PALD1: variants seen among roughly 807,000 people sequenced by gnomAD.
PALD1 encodes phosphatase domain containing paladin 1, also known as paladin.
Under a neutral mutation model 96.0 loss-of-function variants are expected in PALD1, and 57 were observed. That is an observed-to-expected ratio of 0.59 (90% CI 0.48 to 0.74). The LOEUF is 0.74. Among genes scored for constraint, PALD1 ranks in the 30% least tolerant of loss-of-function variants. The pLI is 0.00. For synonymous variants in PALD1, 464 were observed against 473.6 expected, an observed-to-expected ratio of 0.98 and a Z score of 0.26; for missense variants, 1,063 against 1,143.7, an observed-to-expected ratio of 0.93 and a Z score of 1.02.
At chr10:70,478,045 TG>T (rs200912603), upstream of PALD1, among the ~76,000 whole-genome samples, 5 of 89,206 alleles carry the variant, frequency 5.6e-5, no homozygotes, top group African/African-American at 1.2e-4. Context: ...TGAGGAGTGG[TG>T]GGGGGGGCAG....
chr10:70,461,816 A>G, the PALD1 span, among the ~76,000 whole-genome samples: 2 of 152,208 alleles, frequency 1.3e-5, no homozygotes, highest in East Asian at 3.9e-4. Flanking sequence ...TTTTTGAGGC[A>G]GGGTCTCGCT....
Position 70,550,929 on chromosome 10 carries a change from A to G in PALD1, c.2262+3483A>G, listed in dbSNP as rs1198717215. Among the ~76,000 whole-genome samples, 3 of 152,186 alleles carry G rather than the reference A, an allele frequency of 2.0e-5. No individual in the cohort carries two copies. In the South Asian group the frequency reaches 6.2e-4, roughly 32 times the overall value. On this transcript the variant is annotated intron_variant, in intron 18 of 19. Transcript: ENST00000263563. ...CTATTATGAATAATGTTGCTGTGAA[A>G]ATTCATGTACAAGTTTTTGTGTGAA...
the PALD1 span, among the ~76,000 whole-genome samples, chr10:70,467,799 G>A: frequency 6.6e-6 from 1 of 152,120 alleles, no homozygotes; most frequent in African/African-American, 2.4e-5. Flanking sequence ...GATAGGACAG[G>A]AGTGCATGGA....
intron 8 of PALD1, 21 bp from the exon 9 acceptor site, chr10:70,534,404 G>A (rs781416289): frequency 5.1e-6 from 8 of 1,561,624 alleles, no homozygotes; most frequent in Non-Finnish European, 7.0e-6. Context: ...GCCTGCTAAT[G>A]TACTGACCCT....
At chr10:70,552,987 C>G (rs1378117026) in intron 18 of PALD1, among the ~76,000 whole-genome samples, 1 of 152,156 alleles carries the variant, frequency 6.6e-6, no homozygotes, top group Non-Finnish European at 1.5e-5. Flanking sequence ...TTAAGTTGGC[C>G]TGTGCTTCCT....
intron 4 of PALD1, 22 bp from the exon 5 acceptor site, chr10:70,531,268 T>A: frequency 1.2e-6 from 2 of 1,603,688 alleles, no homozygotes; most frequent in Admixed American, 1.7e-5. Flanking sequence ...GATGGCTTCC[T>A]TCCCCCTCGG....
chr10:70,501,834 T>TGTGTGTGTGTGTGTGTGTGC (rs774868338), intron 1 of PALD1, among the ~76,000 whole-genome samples: 94 of 149,492 alleles, frequency 6.3e-4, no homozygotes, highest in South Asian at 1.1e-3. Context: ...TGTGTGTGTG[T>TGTGTGTGTGTGTGTGTGTGC]GCGTGCGTGC....
Position 70,534,204 on chromosome 10 carries a change from T to C in PALD1, c.1022+131T>C, listed in dbSNP as rs192514992. The C allele has an allele frequency of 5.2e-5, 59 of 1,140,220 alleles. 1 individual carries two copies. In the Admixed American group the frequency reaches 1.3e-3, roughly 26 times the overall value. 70.6% of individuals were successfully genotyped at this position (1,140,220 alleles called of 1,614,324 possible). A position where few individuals can be genotyped will look rare whatever the true frequency, so the allele number is the denominator to read the frequency against. On this transcript the variant is annotated intron_variant, in intron 8 of 19. Transcript: ENST00000263563. ...AATTTGGCATCTGGGGTTCATTTCC[T>C]GGTTTGCCACGAGACTTGCTGGGAG... is the stretch of plus-strand genomic sequence containing the variant.
In PALD1 at chr10:70,526,051, A is replaced by C. The variant is rs146129176; in HGVS notation, c.100A>C (p.Ser34Arg). ...SGTMDSRHSV[S>R]IHSFQSTSLH... ...CACGATGGACAGTCGGCACTCCGTC[A>C]GCATCCACTCCTTCCAGAGCACTAG... is the stretch of plus-strand genomic sequence containing the variant. Residue 34 changes from serine to arginine, a missense_variant, in exon 2 of 20, where the codon AGC becomes CGC. By Grantham distance (110) the Ser-to-Arg change is moderately radical (BLOSUM62 -1). Transcript: ENST00000263563. 7.1e-5 allele frequency: 114 copies of C among 1,614,094 alleles called. No homozygotes were observed. Among genetic ancestry groups the C allele is most frequent in the Non-Finnish European group, 9.4e-5 (111 of 1,180,038 alleles).
At chr10:70,459,862 C>G in the PALD1 span, among the ~76,000 whole-genome samples, 25,148 of 152,158 alleles carry the variant, frequency 0.17, 2,657 homozygotes, top group African/African-American at 0.29. Context: ...GTGCCCTCAT[C>G]TTCACAGCCA....
intron 1 of PALD1, among the ~76,000 whole-genome samples, chr10:70,505,868 A>G (rs974011955): frequency 4.6e-5 from 7 of 151,630 alleles, no homozygotes; most frequent in African/African-American, 1.7e-4. Flanking sequence ...CCAAAATACA[A>G]AAGTTAGCCG....
intron 1 of PALD1, among the ~76,000 whole-genome samples, chr10:70,489,214 G>A (rs539948940): frequency 2.6e-5 from 4 of 152,198 alleles, no homozygotes; most frequent in Non-Finnish European, 5.9e-5. Context: ...TGAGGAAGGG[G>A]CTGCCTGGGC....
chr10:70,532,215 G>T (rs1328323995), intron 5 of PALD1, among the ~76,000 whole-genome samples: 1 of 152,136 alleles, frequency 6.6e-6, no homozygotes. Context: ...TGTGAATAGA[G>T]TGTGGGGTCC....
chr10:70,566,658 C>G lies in PALD1; in HGVS notation c.2496C>G (p.Pro832=), dbSNP rs1324934720. The change falls in exon 20 of 20, where the codon CCC becomes CCG. Residue 832 remains proline, a synonymous_variant. Coordinates refer to ENST00000263563, the MANE Select transcript of PALD1 (RefSeq NM_014431.3). ...AGCTGGAGAGCGGGGAGGACCAGCCCTTCTCCAGGCTGCGCTACCGGTGGC... is the reference window on the plus strand; with the variant it reads ...AGCTGGAGAGCGGGGAGGACCAGCCGTTCTCCAGGCTGCGCTACCGGTGGC... The part of the protein sequence containing the change: ...FPELESGEDQ[P]FSRLRYRWQE... The G allele has an allele frequency of 6.2e-7, 1 of 1,609,882 alleles. No homozygotes were observed. Among genetic ancestry groups the G allele is most frequent in the African/African-American group, 1.3e-5 (1 of 74,974 alleles).
intron 17 of PALD1, among the ~76,000 whole-genome samples, chr10:70,544,723 G>A (rs181465522): frequency 5.3e-5 from 8 of 152,282 alleles, no homozygotes; most frequent in Admixed American, 5.2e-4. Flanking sequence ...TGTCTGAGGT[G>A]GCCCCCAGAG....
intron 1 of PALD1, among the ~76,000 whole-genome samples, chr10:70,522,321 T>C (rs1846755782): frequency 6.6e-6 from 1 of 152,190 alleles, no homozygotes; most frequent in Non-Finnish European, 1.5e-5. Flanking sequence ...TCTCCAAGCT[T>C]GTTGAGTTCA....
intron 1 of PALD1, among the ~76,000 whole-genome samples, chr10:70,497,868 C>T (rs1459103789): frequency 6.6e-6 from 1 of 152,182 alleles, no homozygotes; most frequent in Admixed American, 6.5e-5. Context: ...AGCCATGTGC[C>T]TGGCCTATTA....
intron 18 of PALD1, among the ~76,000 whole-genome samples, chr10:70,553,447 G>C (rs1400788392): frequency 1.3e-5 from 2 of 152,190 alleles, no homozygotes; most frequent in Non-Finnish European, 2.9e-5. Flanking sequence ...ATGGGGTAGA[G>C]GCTCATGCGG....
chr10:70,564,762 T>TGAG (rs1392371584), intron 19 of PALD1, among the ~76,000 whole-genome samples: 2 of 152,110 alleles, frequency 1.3e-5, no homozygotes, highest in Non-Finnish European at 2.9e-5. Context: ...AACAAATGAA[T>TGAG]GAGGAGGAGG....
Sources: gnomAD v4.1 joint callset for allele counts (sites outside exome capture counted in the v4.1 genomes callset) on GRCh38, gnomAD v4.1.1 for gene constraint, MANE v1.5 for transcripts, NCBI Gene and HGNC (gene_info 2026-07-23, HGNC 2026-07-21) for gene names.